USP39: variants seen among roughly 807,000 people sequenced by gnomAD.
USP39 encodes ubiquitin specific peptidase 39, also known as ubiquitin carboxyl-terminal hydrolase 39.
Under a neutral mutation model 66.4 loss-of-function variants are expected in USP39, and 38 were observed. The ratio of observed to expected loss-of-function variants is 0.57; its 90% confidence interval spans 0.44 to 0.75. USP39 has a LOEUF of 0.75. USP39 is among the 30% of genes least tolerant of loss of function. USP39 has a pLI of 0.00. For missense variants in USP39, 608 were observed against 714.4 expected (o/e 0.85, Z 1.70); for synonymous variants, 303 against 274.6 (o/e 1.10, Z -1.02).
At chr2:85,611,864 G>A (rs1308509434), upstream of USP39, 1 of 1,598,160 alleles carries the variant, frequency 6.3e-7, no homozygotes, top group Non-Finnish European at 8.5e-7. Flanking sequence ...CGGCGGCGCA[G>A]GGCGGGGCGG....
chr2:85,636,331 G>A (rs1215927919), intron 7 of USP39, among the ~76,000 whole-genome samples: 1 of 152,064 alleles, frequency 6.6e-6, no homozygotes, highest in Non-Finnish European at 1.5e-5. Flanking sequence ...ATTCAGGTGT[G>A]GTGGGATGTG....
chr2:85,633,795 G>T (rs1350128082), intron 6 of USP39, among the ~76,000 whole-genome samples: 1 of 150,282 alleles, frequency 6.7e-6, no homozygotes, highest in East Asian at 2.0e-4. Flanking sequence ...CATTATTCTG[G>T]CTGAGGATTG....
upstream of USP39, chr2:85,610,096 C>T (rs538534925): frequency 1.3e-5 from 2 of 148,336 alleles, no homozygotes; most frequent in African/African-American, 2.5e-5. Flanking sequence ...CTCACCGCAA[C>T]CTCTGCCTCC....
intron 1 of USP39, chr2:85,603,336 T>G (rs1328531009): frequency 1.3e-5 from 2 of 152,250 alleles, no homozygotes; most frequent in Admixed American, 6.5e-5. Flanking sequence ...GTTTCCCGAC[T>G]GATCAACACT....
In USP39 at chr2:85,640,830, A is replaced by G; in HGVS notation, c.1285-146A>G. 5 of 597,094 alleles carry G rather than the reference A, an allele frequency of 8.4e-6. No individual in the cohort carries two copies. The South Asian group carries it at 1.1e-4, about 14-fold the overall frequency. 37.0% of individuals were successfully genotyped at this position (597,094 alleles called of 1,614,324 possible). ...AGCCAAACTGCACATCCTAAGCCTC[A>G]TACATAATTTCTCGGACCAGGAGTC... On this transcript the variant is annotated intron_variant, in intron 9 of 12. Coordinates refer to ENST00000323701, the MANE Select transcript of USP39 (RefSeq NM_006590.4).
intron 2 of USP39, among the ~76,000 whole-genome samples, chr2:85,620,251 C>T (rs1250255657): frequency 1.3e-5 from 2 of 151,854 alleles, no homozygotes; most frequent in Admixed American, 6.6e-5. Flanking sequence ...GAGGCTGAGG[C>T]AGGCAGATTG....
rs1374332503 is a variant in USP39 at position 85,633,256 on chromosome 2, G to T, written c.949+2310G>T. Among the ~76,000 whole-genome samples, 3 of 152,182 alleles carry T rather than the reference G, an allele frequency of 2.0e-5. No individual in the cohort carries two copies. In the South Asian group the frequency reaches 6.2e-4, roughly 32 times the overall value. ...CCGCCTCAGCCTCCCGAGTAGCTGG[G>T]ACTACAGGCACCCACCACCATACCT... On this transcript the variant is annotated intron_variant, in intron 6 of 12. Transcript: ENST00000323701.
At chr2:85,636,233 C>G in intron 7 of USP39, 103 bp downstream of exon 7, 2 of 1,089,092 alleles carry the variant, frequency 1.8e-6, no homozygotes, top group Non-Finnish European at 2.7e-6. Flanking sequence ...TTTGAGAGGC[C>G]GAGGTGGGTG....
In USP39 at chr2:85,648,001, A is replaced by G; in HGVS notation, c.1635A>G (p.Ser545=). Residue 545 remains serine, a synonymous_variant, in exon 12 of 13, where the codon TCA becomes TCG. Coordinates refer to ENST00000323701, the MANE Select transcript of USP39 (RefSeq NM_006590.4). ...TDILPQMITL[S]EAYIQIWKRR... is the part of the protein sequence containing the mutation. The stretch of plus-strand genomic sequence containing the variant: ...TCCTTCCCCAGATGATCACACTGTC[A>G]GAGGCTTACATTCAGGTGGGTTGGC... 1 of 1,614,184 alleles carries G rather than the reference A, an allele frequency of 6.2e-7. No individual in the cohort carries two copies. The highest frequency in any genetic ancestry group is 8.5e-7 in the Non-Finnish European group (1 of 1,180,028).
chr2:85,630,978 C>T (rs759114372), intron 6 of USP39, 32 bp downstream of exon 6: 1 of 1,587,682 alleles, frequency 6.3e-7, no homozygotes, highest in South Asian at 1.1e-5. Context: ...TTCAGGACAA[C>T]AAAACTAGTT....
intron 10 of USP39, 24 bp from the exon 11 acceptor site, chr2:85,644,924 C>A (rs750102778): frequency 1.2e-6 from 2 of 1,612,974 alleles, no homozygotes; most frequent in East Asian, 2.2e-5. Flanking sequence ...CTGATTATTC[C>A]GGCTTTATTT....
At chr2:85,611,365 CT>C, upstream of USP39, 1 of 1,446,392 alleles carries the variant, frequency 6.9e-7, no homozygotes, top group Non-Finnish European at 9.0e-7. Context: ...CTGTGCCAGA[CT>C]TTCTCTTTGC....
chr2:85,625,656 A>T lies in USP39; in HGVS notation c.688A>T (p.Ile230Leu). 1 of 1,613,868 alleles carries T rather than the reference A, an allele frequency of 6.2e-7. No individual in the cohort carries two copies. Among genetic ancestry groups the T allele is most frequent in the Non-Finnish European group, 8.5e-7 (1 of 1,179,840 alleles). The change falls in exon 5 of 13, where the codon ATA (isoleucine) becomes TTA (leucine). Residue 230 changes from isoleucine to leucine, a missense_variant. This residue lies in a region of USP39 where 115 missense variants were observed against 198.6 expected (regional missense o/e 0.58). Coordinates refer to ENST00000323701, the MANE Select transcript of USP39 (RefSeq NM_006590.4). ...GCCGGGTATTGTGGGACTGAATAAC[A>T]TAAAGGCCAATGATTATGCCAACGC... ...YLPGIVGLNN[I>L]KANDYANAVL...
chr2:85,635,592 C>CT (rs1405597463), intron 6 of USP39, among the ~76,000 whole-genome samples: 1 of 152,014 alleles, frequency 6.6e-6, no homozygotes, highest in African/African-American at 2.4e-5. Flanking sequence ...CCTGAAATGT[C>CT]TGAGTGGCAG....
At chr2:85,646,984 T>A (rs1676695244) in intron 11 of USP39, among the ~76,000 whole-genome samples, 1 of 150,644 alleles carries the variant, frequency 6.6e-6, no homozygotes, top group Non-Finnish European at 1.5e-5. Context: ...ACCTCCTGGG[T>A]TCAAGTGATT....
At chr2:85,619,389 T>A in intron 2 of USP39, 100 bp downstream of exon 2, 1 of 1,271,164 alleles carries the variant, frequency 7.9e-7, no homozygotes. Context: ...AAACTTTACT[T>A]TTTTTGAACC....
chr2:85,615,909 C>A (rs1331580518), upstream of USP39, among the ~76,000 whole-genome samples: 1 of 152,168 alleles, frequency 6.6e-6, no homozygotes, highest in Non-Finnish European at 1.5e-5. Flanking sequence ...GGATTACAGG[C>A]GTAAGCCACC....
At chr2:85,615,908 G>A (rs891025120), upstream of USP39, among the ~76,000 whole-genome samples, 14 of 152,254 alleles carry the variant, frequency 9.2e-5, no homozygotes, top group Admixed American at 9.2e-4. Flanking sequence ...GGGATTACAG[G>A]CGTAAGCCAC....
chr2:85,635,491 C>T (rs752669135), intron 6 of USP39, among the ~76,000 whole-genome samples: 5 of 151,956 alleles, frequency 3.3e-5, no homozygotes, highest in South Asian at 2.1e-4. Flanking sequence ...ACCCAGGAGG[C>T]GGAGGTTGCA....
Sources: allele counts gnomAD v4.1 joint callset (sites outside exome capture counted in the v4.1 genomes callset), GRCh38; gene constraint gnomAD v4.1.1; regional missense constraint gnomAD v4.1.1; transcripts MANE v1.5; gene names NCBI Gene and HGNC (gene_info 2026-07-23, HGNC 2026-07-21).